Variants in CP observed in about 807,000 individuals in gnomAD.
CP encodes the protein caeruloplasmin.
Under a neutral mutation model 122.4 loss-of-function variants are expected in CP, and 64 were observed. That is an observed-to-expected ratio of 0.52 (90% CI 0.43 to 0.64). The LOEUF is 0.64. Among genes scored for constraint, CP ranks in the 30% least tolerant of loss-of-function variants. CP has a pLI of 0.00. For synonymous variants in CP, 440 were observed against 436.4 expected, an observed-to-expected ratio of 1.01 and a Z score of -0.10; for missense variants, 1,167 against 1,284.4, an observed-to-expected ratio of 0.91 and a Z score of 1.40.
downstream of CP, chr3:149,171,954 C>G: frequency 3.0e-6 from 2 of 655,898 alleles, no homozygotes; most frequent in Admixed American, 2.2e-5. Flanking sequence ...ATCTGCCCAC[C>G]TCGGCCTCCC....
intron 9 of CP, among the ~76,000 whole-genome samples, chr3:149,188,496 A>C (rs1035699572): frequency 2.7e-4 from 33 of 121,764 alleles, no homozygotes; most frequent in African/African-American, 1.2e-3. Flanking sequence ...CCTCCAAAAA[A>C]AAAAAAAAAA....
chr3:149,178,375 TA>T, intron 16 of CP, 39 bp downstream of exon 16: 1 of 1,431,064 alleles, frequency 7.0e-7, no homozygotes, highest in South Asian at 1.2e-5. Context: ...GAGAAAATGA[TA>T]AAAAAGTAGA....
chr3:149,176,539 T>G, intron 17 of CP, 127 bp from the exon 18 acceptor site: 1 of 762,038 alleles, frequency 1.3e-6, no homozygotes, highest in Non-Finnish European at 2.2e-6. Context: ...TCGAGCTCGT[T>G]TCTGTGTTTA....
chr3:149,186,862 T>G, intron 10 of CP, 130 bp from the exon 11 acceptor site: 5 of 805,382 alleles, frequency 6.2e-6, no homozygotes, highest in Non-Finnish European at 8.4e-6. Context: ...CCACGCTTTA[T>G]GTGTCAGGAG....
chr3:149,212,668 G>A lies in CP; in HGVS notation c.177C>T (p.Gly59=), dbSNP rs1222863017. The change falls in exon 2 of 19, where the codon GGC becomes GGT. Residue 59 remains glycine, a synonymous_variant. Coordinates refer to ENST00000264613, the MANE Select transcript of CP (RefSeq NM_000096.4). ...TATATAGTCTCCCAATTCTATCTGG[G>A]CCATTTTGAAGATAGATATTGGAAT... ...TEHSNIYLQN[G]PDRIGRLYKK... is the part of the protein sequence containing the mutation. The A allele has an allele frequency of 6.2e-7, 1 of 1,613,636 alleles. No homozygotes were observed. Among genetic ancestry groups the A allele is most frequent in the Non-Finnish European group, 8.5e-7 (1 of 1,179,892 alleles).
intron 14 of CP, 77 bp downstream of exon 14, chr3:149,181,928 C>G: frequency 6.5e-7 from 1 of 1,527,306 alleles, no homozygotes; most frequent in Non-Finnish European, 9.1e-7. Context: ...TCCAGACTCT[C>G]TATGATGAGA....
intron 12 of CP, among the ~76,000 whole-genome samples, chr3:149,184,325 G>A (rs34867923): frequency 0.1 from 15,597 of 151,880 alleles, 2,292 homozygotes; most frequent in African/African-American, 0.33. Context: ...GTGAGCCACC[G>A]CGCCCGGCCA....
intron 12 of CP, 96 bp downstream of exon 12, chr3:149,185,143 T>G: frequency 4.9e-6 from 3 of 609,270 alleles, no homozygotes; most frequent in Non-Finnish European, 7.2e-6. Flanking sequence ...TTAATGCAAC[T>G]TTTTTTTTTT....
At chr3:149,170,963 A>T (rs1333625086), downstream of CP, among the ~76,000 whole-genome samples, 1 of 152,064 alleles carries the variant, frequency 6.6e-6, no homozygotes, top group Non-Finnish European at 1.5e-5. Context: ...TTTTTAATGT[A>T]TGTTACATTC....
intron 1 of CP, among the ~76,000 whole-genome samples, chr3:149,213,297 A>T (rs1728233759): frequency 6.6e-6 from 1 of 152,224 alleles, no homozygotes; most frequent in Non-Finnish European, 1.5e-5. Context: ...GAATTTAAAT[A>T]ATCCCTGTGT....
chr3:149,180,009 C>T (rs939679563), intron 14 of CP: 23 of 280,912 alleles, frequency 8.2e-5, no homozygotes, highest in Admixed American at 2.9e-4. Context: ...TCCTAATATA[C>T]TTTTTTCTCT....
At chr3:149,167,178 T>A in intron 4 of CP, 1 of 1,613,972 alleles carries the variant, frequency 6.2e-7, no homozygotes, top group Non-Finnish European at 8.5e-7. Flanking sequence ...AGACATACTG[T>A]TAGAGAGATG....
intron 7 of CP, 163 bp from the exon 8 acceptor site, chr3:149,200,027 C>T: frequency 1.4e-6 from 1 of 695,594 alleles, no homozygotes; most frequent in Non-Finnish European, 2.5e-6. Flanking sequence ...CATAATCAAT[C>T]TGATATGTCG....
chr3:149,176,530 C>A, intron 17 of CP, 118 bp from the exon 18 acceptor site: 1 of 852,946 alleles, frequency 1.2e-6, no homozygotes, highest in Non-Finnish European at 1.9e-6. Flanking sequence ...TTTAAAAAAT[C>A]GAGCTCGTTT....
chr3:149,176,301 C>T lies in CP; in HGVS notation c.3130G>A (p.Asp1044Asn), dbSNP rs149217680. ...GTTTCCATTCCAGCATGAATGTGGTCGGTCACATGGCAGTGGAGTAACCAA... is the reference window on the plus strand; with the variant it reads ...GTTTCCATTCCAGCATGAATGTGGTTGGTCACATGGCAGTGGAGTAACCAA... ...GIWLLHCHVT[D>N]HIHAGMETTY... Residue 1044 changes from aspartate to asparagine, a missense_variant, in exon 18 of 19, where the codon GAC becomes AAC. Around this residue, in one of 2 missense-constraint regions of CP, gnomAD observed 525 missense variants for 657.2 expected, o/e 0.80. Coordinates refer to ENST00000264613, the MANE Select transcript of CP (RefSeq NM_000096.4). 1.6e-4 allele frequency: 255 copies of T among 1,613,158 alleles called. No individual in the cohort carries two copies. The highest frequency in any genetic ancestry group is 5.5e-4 in the South Asian group (50 of 91,042).
At chr3:149,199,964 T>G in intron 7 of CP, 100 bp from the exon 8 acceptor site, 1 of 1,217,718 alleles carries the variant, frequency 8.2e-7, no homozygotes, top group Admixed American at 1.8e-5. Flanking sequence ...CAAGAACTAC[T>G]AGGAGCAACA....
intron 5 of CP, 106 bp downstream of exon 5, chr3:149,207,257 G>T (rs1727798164): frequency 7.4e-7 from 1 of 1,351,814 alleles, no homozygotes; most frequent in Non-Finnish European, 1.1e-6. Context: ...AAACTAAGAT[G>T]CCAGTTCAAA....
intron 1 of CP, among the ~76,000 whole-genome samples, chr3:149,215,266 T>C (rs1367364761): frequency 6.6e-6 from 1 of 152,234 alleles, no homozygotes; most frequent in Non-Finnish European, 1.5e-5. Flanking sequence ...GTCAAAATGA[T>C]TTTATTGCAT....
At chr3:149,189,179 G>A (rs1036936055) in intron 9 of CP, among the ~76,000 whole-genome samples, 3 of 152,158 alleles carry the variant, frequency 2.0e-5, no homozygotes, top group African/African-American at 7.2e-5. Context: ...AGATTCAAAA[G>A]CTTCCTGAAA....
Sources: gnomAD v4.1 joint callset for allele counts (sites outside exome capture counted in the v4.1 genomes callset) on GRCh38, gnomAD v4.1.1 for gene constraint, gnomAD v4.1.1 regional missense constraint, MANE v1.5 for transcripts, NCBI Gene and HGNC (gene_info 2026-07-23, HGNC 2026-07-21) for gene names.